Variants in FHL5 observed in about 807,000 individuals in gnomAD.
FHL5 encodes the protein four and a half LIM domains protein 5.
A neutral mutation model predicts 32.0 loss-of-function variants in FHL5; 33 were observed. That is an observed-to-expected ratio of 1.03 (90% CI 0.78 to 1.38). The LOEUF (loss-of-function observed/expected upper bound fraction) is 1.38, where lower values mean the gene tolerates loss of function less well. Among genes scored for constraint, FHL5 ranks in the 40% most tolerant of loss-of-function variants. The pLI is 0.00. For synonymous variants in FHL5, 114 were observed against 113.6 expected (o/e 1.00, Z -0.02); for missense variants, 336 against 343.9 (o/e 0.98, Z 0.18).
chr6:96,584,721 A>G (rs957433616), intron 1 of FHL5, among the ~76,000 whole-genome samples: 3 of 152,176 alleles, frequency 2.0e-5, no homozygotes, highest in African/African-American at 7.2e-5. Flanking sequence ...ATTAGAGAAC[A>G]AAGTCATGTA....
chr6:96,602,419 G>A (rs1335475026), intron 1 of FHL5, among the ~76,000 whole-genome samples: 2 of 79,744 alleles, frequency 2.5e-5, no homozygotes, highest in South Asian at 4.3e-4. Context: ...ATCTATATGC[G>A]TTGTTTCTTT....
chr6:96,584,435 A>ATG (rs141920939), intron 1 of FHL5, among the ~76,000 whole-genome samples: 25,260 of 146,650 alleles, frequency 0.17, 2,101 homozygotes, highest in Middle Eastern at 0.25. Context: ...CAGGTGGGAT[A>ATG]TGTGTGTGTG....
At chr6:96,588,280 G>A (rs965572186) in intron 1 of FHL5, among the ~76,000 whole-genome samples, 4 of 152,038 alleles carry the variant, frequency 2.6e-5, no homozygotes, top group South Asian at 2.1e-4. Context: ...GCACAATCTC[G>A]GCTCACTGCA....
chr6:96,564,873 A>G (rs1425102165), intron 1 of FHL5, among the ~76,000 whole-genome samples: 1 of 152,076 alleles, frequency 6.6e-6, no homozygotes, highest in Non-Finnish European at 1.5e-5. Flanking sequence ...CTGAAAGCTC[A>G]TTGAAGGAGA....
intron 1 of FHL5, among the ~76,000 whole-genome samples, chr6:96,602,674 C>CT (rs1373495301): frequency 6.6e-6 from 1 of 151,830 alleles, no homozygotes. Context: ...TTCATATCAG[C>CT]TTTTTTATTC....
chr6:96,563,125 C>G (rs1770281797), upstream of FHL5: 1 of 152,052 alleles, frequency 6.6e-6, no homozygotes, highest in Admixed American at 6.6e-5. Flanking sequence ...GCTTTTTCAG[C>G]CCAGTAGGAG....
intron 5 of FHL5, among the ~76,000 whole-genome samples, chr6:96,613,912 C>T (rs1044884627): frequency 1.3e-5 from 2 of 152,180 alleles, no homozygotes; most frequent in African/African-American, 2.4e-5. Context: ...GTAATTGGCA[C>T]ACAGTCAAGC....
In FHL5 at chr6:96,610,587, G is replaced by A. The variant is rs1044672043; in HGVS notation, c.520G>A (p.Gly174Arg). ...NFCKKVITSG[G>R]ITFCDQLWHK... ...TCTTTGGCAGGTGATAACTTCAGGT[G>A]GGATAACATTTTGTGACCAGCTATG... Residue 174 changes from glycine (G) to arginine (R), a missense_variant, in exon 5 of 6, where the codon GGG (glycine) becomes AGG (arginine). Physicochemically the swap from Gly to Arg is moderately radical, Grantham distance 125. Coordinates refer to ENST00000450218, the MANE Select transcript of FHL5 (RefSeq NM_001322466.2). 2.5e-6 allele frequency: 4 copies of A among 1,613,446 alleles called. No homozygotes were observed. Among genetic ancestry groups the A allele is most frequent in the Middle Eastern group, 1.7e-4 (1 of 6,058 alleles).
chr6:96,584,449 GTGTGTGTGTGTT>G (rs1435682508), intron 1 of FHL5, among the ~76,000 whole-genome samples: 10 of 148,192 alleles, frequency 6.7e-5, no homozygotes, highest in Admixed American at 1.3e-4. Context: ...GTGTGTGTGT[GTGTGTGTGTGTT>G]TGTGTGTGTG....
intron 1 of FHL5, among the ~76,000 whole-genome samples, chr6:96,588,869 G>A (rs534752249): frequency 2.8e-5 from 4 of 145,158 alleles, no homozygotes; most frequent in African/African-American, 5.2e-5. Flanking sequence ...GTCTCTTAAT[G>A]AGCAATTCTT....
chr6:96,578,735 C>A (rs931161283), intron 1 of FHL5, among the ~76,000 whole-genome samples: 2 of 151,822 alleles, frequency 1.3e-5, no homozygotes, highest in African/African-American at 2.4e-5. Context: ...CCAGCTACTC[C>A]GGAGGCTGAG....
At chr6:96,597,845 A>G (rs938617752) in intron 1 of FHL5, among the ~76,000 whole-genome samples, 2 of 152,158 alleles carry the variant, frequency 1.3e-5, no homozygotes, top group African/African-American at 4.8e-5. Flanking sequence ...TTCAGTTTCT[A>G]AAAGGTATAG....
At chr6:96,573,670 C>T (rs565544869) in intron 1 of FHL5, among the ~76,000 whole-genome samples, 10 of 151,346 alleles carry the variant, frequency 6.6e-5, no homozygotes, top group Middle Eastern at 6.8e-3. Flanking sequence ...TACAGGTGCC[C>T]GCCAACACGC....
chr6:96,578,028 T>A (rs1041512647), intron 1 of FHL5, among the ~76,000 whole-genome samples: 36 of 152,304 alleles, frequency 2.4e-4, no homozygotes, highest in African/African-American at 8.4e-4. Flanking sequence ...ACTAGAGAAT[T>A]TCAAAAATCC....
At chr6:96,594,255 A>T (rs981069881) in intron 1 of FHL5, among the ~76,000 whole-genome samples, 3 of 105,170 alleles carry the variant, frequency 2.9e-5, no homozygotes, top group African/African-American at 3.1e-5. Flanking sequence ...ATATATATAT[A>T]TATATATATA....
chr6:96,610,881 A>AT, intron 5 of FHL5, 123 bp downstream of exon 5: 1 of 696,504 alleles, frequency 1.4e-6, no homozygotes, highest in Non-Finnish European at 2.4e-6. Context: ...TCCTTTTGAG[A>AT]TAAACACAAG....
intron 1 of FHL5, among the ~76,000 whole-genome samples, chr6:96,594,271 A>ATATT (rs1554176523): frequency 1.6e-3 from 118 of 72,930 alleles, no homozygotes; most frequent in African/African-American, 3.0e-3. Context: ...ATATATATAT[A>ATATT]TATGTATGTA....
rs1271716773 is a variant in FHL5, at chr6:96,615,827, G to T, written c.*55G>T. The T allele has an allele frequency of 1.4e-6, 2 of 1,409,802 alleles. No homozygotes were observed. The highest frequency in any genetic ancestry group is 1.9e-6 in the Non-Finnish European group (2 of 1,041,910). 87.3% of individuals were successfully genotyped at this position (1,409,802 alleles called of 1,614,324 possible). Reference sequence around the variant, plus strand: ...TTTGCCTTCGTTGTCACTAAAGCCAGAACTCAGTTGCGGTCTTATTTTTGA... The same window carrying T: ...TTTGCCTTCGTTGTCACTAAAGCCATAACTCAGTTGCGGTCTTATTTTTGA... On this transcript the variant is annotated 3_prime_UTR_variant, in exon 6 of 6. Transcript: ENST00000450218.
At chr6:96,603,565 C>G in intron 1 of FHL5, 37 bp from the exon 2 acceptor site, 1 of 1,477,094 alleles carries the variant, frequency 6.8e-7, no homozygotes, top group Admixed American at 1.9e-5. Context: ...AAACAAAATT[C>G]TGCTTTTATA....
Sources: gnomAD v4.1 joint callset for allele counts (sites outside exome capture counted in the v4.1 genomes callset) on GRCh38, gnomAD v4.1.1 for gene constraint, MANE v1.5 for transcripts, NCBI Gene and HGNC (gene_info 2026-07-23, HGNC 2026-07-21) for gene names.